The following GCNT2 variants were observed in gnomAD, a reference collection of about 807,000 sequenced individuals.
The protein encoded by GCNT2 is N-acetyllactosaminide beta-1,6-N-acetylglucosaminyl-transferase.
A neutral mutation model predicts 34.2 loss-of-function variants in GCNT2; 34 were observed. The observed-to-expected ratio is 1.00, with a 90% CI of 0.76 to 1.32. GCNT2 has a LOEUF of 1.32. Ranked by LOEUF, GCNT2 falls within the 40% of genes most tolerant of loss-of-function variation. The pLI is 0.00. For synonymous variants in GCNT2, 212 were observed against 188.0 expected, an observed-to-expected ratio of 1.13 and a Z score of -1.04; for missense variants, 584 against 489.4, an observed-to-expected ratio of 1.19 and a Z score of -1.82.
chr6:10,588,393 T>C (rs1764448833), intron 3 of GCNT2, among the ~76,000 whole-genome samples: 1 of 152,212 alleles, frequency 6.6e-6, no homozygotes, highest in African/African-American at 2.4e-5. Context: ...TGATAGGAAG[T>C]CATCGTGTTA....
At chr6:10,609,481 C>T (rs577798187) in intron 3 of GCNT2, among the ~76,000 whole-genome samples, 5 of 152,310 alleles carry the variant, frequency 3.3e-5, no homozygotes, top group Admixed American at 6.5e-5. Flanking sequence ...TCTTAAGGTC[C>T]CACCTCTCAA....
At chr6:10,614,619 C>G (rs1490556187) in intron 3 of GCNT2, among the ~76,000 whole-genome samples, 3 of 108,148 alleles carry the variant, frequency 2.8e-5, no homozygotes, top group African/African-American at 4.6e-5. Context: ...GAGCAAGACT[C>G]TGTCTCAAAA....
At chr6:10,604,056 C>T (rs1479374396) in intron 3 of GCNT2, among the ~76,000 whole-genome samples, 8 of 151,830 alleles carry the variant, frequency 5.3e-5, no homozygotes, top group South Asian at 4.2e-4. Flanking sequence ...CCACCACGCC[C>T]GGCTAATTTT....
chr6:10,621,019 C>A (rs111233213), intron 3 of GCNT2, among the ~76,000 whole-genome samples: 1 of 152,146 alleles, frequency 6.6e-6, no homozygotes, highest in Admixed American at 6.6e-5. Context: ...AGTGGAGAAA[C>A]CCTGGCTTAG....
chr6:10,570,479 T>G (rs1376551885), intron 3 of GCNT2, among the ~76,000 whole-genome samples: 1 of 152,234 alleles, frequency 6.6e-6, no homozygotes, highest in Non-Finnish European at 1.5e-5. Context: ...GGATACAACT[T>G]CAGTCTTTCC....
At chr6:10,595,196 C>T (rs924073723) in intron 3 of GCNT2, among the ~76,000 whole-genome samples, 3 of 152,116 alleles carry the variant, frequency 2.0e-5, no homozygotes, top group African/African-American at 4.8e-5. Context: ...TCCTTAAAAA[C>T]ATGAAGGATG....
intron 3 of GCNT2, among the ~76,000 whole-genome samples, chr6:10,539,742 CCTT>C (rs1223478306): frequency 6.6e-6 from 1 of 152,106 alleles, no homozygotes; most frequent in Non-Finnish European, 1.5e-5. Flanking sequence ...AAAAACAAAA[CCTT>C]CTAACATTTG....
rs181859990 is a variant in GCNT2, at chr6:10,575,851, C to T, written c.926-45500C>T. Among the ~76,000 whole-genome samples, 902 of 152,092 alleles carry T rather than the reference C, an allele frequency of 5.9e-3. 11 individuals carry two copies. The highest frequency in any genetic ancestry group is 0.019 in the African/African-American group (804 of 41,448). On this transcript the variant is annotated intron_variant, in intron 3 of 4. Coordinates refer to ENST00000495262, the MANE Select transcript of GCNT2 (RefSeq NM_145649.5). ...AAAAGCTCCCCCACTGAGCACCTTG[C>T]GACCCCCACTCCTGCCCGCCAGAGA...
At chr6:10,563,377 C>T (rs1177194024) in intron 3 of GCNT2, among the ~76,000 whole-genome samples, 1 of 152,154 alleles carries the variant, frequency 6.6e-6, no homozygotes, top group Non-Finnish European at 1.5e-5. Context: ...CACATTATCT[C>T]CTTTAATTCT....
At chr6:10,586,353 A>T (rs149719341) in intron 3 of GCNT2, 2 of 1,614,034 alleles carry the variant, frequency 1.2e-6, no homozygotes, top group African/African-American at 2.7e-5. Flanking sequence ...TATGCCCCAA[A>T]ATGTCTACTG....
At chr6:10,617,743 A>AT (rs1254996839) in intron 3 of GCNT2, among the ~76,000 whole-genome samples, 4 of 112,806 alleles carry the variant, frequency 3.5e-5, no homozygotes, top group Admixed American at 8.9e-5. Flanking sequence ...CAGAGTCTGC[A>AT]TTTCTTCTTT....
chr6:10,523,219 C>A lies in GCNT2; in HGVS notation c.-469+1802C>A, dbSNP rs139044329. On this transcript the variant is annotated intron_variant, in intron 1 of 4. Coordinates refer to ENST00000495262, the MANE Select transcript of GCNT2 (RefSeq NM_145649.5). ...GGCGGATCACCTGAGATCAGGAGTT[C>A]GAGACCAGCCTACCAGCATGGTGAA... Among the ~76,000 whole-genome samples, 372 of 151,880 alleles carry A rather than the reference C, an allele frequency of 2.4e-3. 4 individuals carry two copies. The highest frequency in any genetic ancestry group is 8.6e-3 in the African/African-American group (358 of 41,442).
chr6:10,549,555 C>CTT (rs1762398724), intron 3 of GCNT2, among the ~76,000 whole-genome samples: 1 of 110,320 alleles, frequency 9.1e-6, no homozygotes, highest in Non-Finnish European at 1.8e-5. Context: ...CTCTCTCAAT[C>CTT]TCTCTCTCTT....
intron 3 of GCNT2, among the ~76,000 whole-genome samples, chr6:10,590,238 A>G (rs1175345355): frequency 2.0e-5 from 3 of 152,090 alleles, no homozygotes; most frequent in Non-Finnish European, 4.4e-5. Flanking sequence ...GTCTCTACAA[A>G]AAATTTAAAA....
At chr6:10,585,052 TGTGTGTGTGTGTGTGTGTGTGTGTGTGC>T (rs1230473312) in intron 3 of GCNT2, among the ~76,000 whole-genome samples, 2,549 of 144,142 alleles carry the variant, frequency 0.018, 62 homozygotes, top group African/African-American at 0.064. Flanking sequence ...TGTGTGTGTG[TGTGTGTGTGTGTGTGTGTGTGTGTGTGC>T]GCGCTATATT....
intron 3 of GCNT2, among the ~76,000 whole-genome samples, chr6:10,564,113 A>G (rs1280584714): frequency 6.6e-6 from 1 of 152,090 alleles, no homozygotes; most frequent in Non-Finnish European, 1.5e-5. Context: ...GAGGTGCAGG[A>G]AAGATGAAGG....
intron 3 of GCNT2, among the ~76,000 whole-genome samples, chr6:10,616,677 T>C (rs756860686): frequency 5.1e-4 from 78 of 152,334 alleles, no homozygotes; most frequent in Non-Finnish European, 9.1e-4. Context: ...GAGTGCCGAT[T>C]GGTGCACTCA....
chr6:10,572,743 T>A (rs1231345920), intron 3 of GCNT2, among the ~76,000 whole-genome samples: 17 of 151,296 alleles, frequency 1.1e-4, no homozygotes, highest in South Asian at 2.1e-4. Context: ...CAAAAAAAAA[T>A]AAAAATAAAA....
At chr6:10,550,368 A>T (rs1389958234) in intron 3 of GCNT2, among the ~76,000 whole-genome samples, 2 of 151,786 alleles carry the variant, frequency 1.3e-5, no homozygotes, top group African/African-American at 4.8e-5. Flanking sequence ...TATATTAATT[A>T]TAGGGAAAGT....
Sources: gnomAD v4.1 joint callset for allele counts (sites outside exome capture counted in the v4.1 genomes callset) on GRCh38, gnomAD v4.1.1 for gene constraint, MANE v1.5 for transcripts, NCBI Gene and HGNC (gene_info 2026-07-23, HGNC 2026-07-21) for gene names.